The following LY75 variants were observed in gnomAD, a reference collection of about 807,000 sequenced individuals.
LY75 encodes the protein lymphocyte antigen 75.
Under a neutral mutation model 231.7 loss-of-function variants are expected in LY75, and 185 were observed. That is an observed-to-expected ratio of 0.80 (90% CI 0.71 to 0.90). The LOEUF (loss-of-function observed/expected upper bound fraction) is 0.90, where lower values mean the gene tolerates loss of function less well. Ranked by LOEUF, LY75 falls within the 40% of genes least tolerant of loss-of-function variation. The probability of loss-of-function intolerance (pLI) is 0.00; values close to 1 mark genes in which losing one functional copy is unlikely to be tolerated. For missense variants in LY75, 1,947 were observed against 2,050.2 expected (o/e 0.95, Z 0.97); for synonymous variants, 668 against 689.0 (o/e 0.97, Z 0.48).
chr2:159,835,513 T>C lies in LY75; in HGVS notation c.3640A>G (p.Asn1214Asp), dbSNP rs368073084. The C allele has an allele frequency of 6.2e-7, 1 of 1,611,484 alleles. No homozygotes were observed. Among genetic ancestry groups the C allele is most frequent in the African/African-American group, 1.3e-5 (1 of 74,982 alleles). Residue 1214 changes from asparagine to aspartate, a missense_variant, in exon 26 of 35, where the codon AAT becomes GAT. Coordinates refer to ENST00000263636, the MANE Select transcript of LY75 (RefSeq NM_002349.4). ...TAGTAGCAAATAGCACCTGGTTGATTGTCATTGCAATCAACTGTTTTCCAG... is the reference window on the plus strand; with the variant it reads ...TAGTAGCAAATAGCACCTGGTTGATCGTCATTGCAATCAACTGTTTTCCAG... ...GFWKTVDCND[N>D]QPGAICYYSG...
At chr2:159,886,598 T>C (rs1574593890) in intron 4 of LY75, 68 bp from the exon 5 acceptor site, 27 of 1,459,672 alleles carry the variant, frequency 1.8e-5, no homozygotes, top group Non-Finnish European at 1.8e-6. Context: ...TTAGACTTAT[T>C]CTACTAATAA....
At chr2:159,898,665 C>A in intron 2 of LY75, 23 bp downstream of exon 2, 2 of 1,586,572 alleles carry the variant, frequency 1.3e-6, no homozygotes, top group South Asian at 2.3e-5. Flanking sequence ...GCAAATCGGT[C>A]AAAGTCCCTC....
Position 159,825,104 on chromosome 2 carries a change from C to T in LY75, c.3959-5184G>A, listed in dbSNP as rs139208340. 7.8e-3 allele frequency among the ~76,000 whole-genome samples: 1,187 copies of T among 151,982 alleles called. 5 individuals are homozygous for T. Among genetic ancestry groups the T allele is most frequent in the Non-Finnish European group, 0.012 (814 of 67,932 alleles). ...CTAGCAGAAGACAAGAAATAACTAA[C>T]GTCAGAGCAGAACTGAAGGCGATAG... On this transcript the variant is annotated intron_variant, in intron 28 of 34. Transcript: ENST00000263636.
intron 23 of LY75, among the ~76,000 whole-genome samples, chr2:159,849,142 G>T (rs1361583864): frequency 6.6e-6 from 1 of 152,094 alleles, no homozygotes; most frequent in Non-Finnish European, 1.5e-5. Context: ...AGTTACTCAC[G>T]ATTGAGAACT....
intron 31 of LY75, chr2:159,812,453 C>T (rs560349980): frequency 2.0e-5 from 3 of 152,146 alleles, no homozygotes; most frequent in African/African-American, 7.2e-5. Context: ...ATTCTGTCAC[C>T]CAGGTTGGAA....
rs1574560150 is a variant in LY75 at position 159,853,688 on chromosome 2, C to T, written c.2605G>A (p.Asp869Asn). 1.9e-6 allele frequency: 3 copies of T among 1,613,496 alleles called. No individual in the cohort carries two copies. Among genetic ancestry groups the T allele is most frequent in the East Asian group, 2.2e-5 (1 of 44,800 alleles). The change falls in exon 19 of 35, where the codon GAT becomes AAT. Residue 869 changes from aspartate (D) to asparagine (N), a missense_variant. By Grantham distance (23) the Asp-to-Asn change is conservative. Transcript: ENST00000263636. ...ATTCTTATCCACCACTTCTGTCCATCACCAGATATCTGAAAAACAAGCCAA... is the reference window on the plus strand; with the variant it reads ...ATTCTTATCCACCACTTCTGTCCATTACCAGATATCTGAAAAACAAGCCAA... ...IKNKIANISG[D>N]GQKWWIRISE...
At chr2:159,825,883 A>G (rs939334664) in intron 28 of LY75, among the ~76,000 whole-genome samples, 1 of 152,224 alleles carries the variant, frequency 6.6e-6, no homozygotes, top group Non-Finnish European at 1.5e-5. Flanking sequence ...ATAGTTGCAG[A>G]AAAGGCCTTC....
chr2:159,807,435 C>T (rs994136374), intron 33 of LY75, among the ~76,000 whole-genome samples: 2 of 152,148 alleles, frequency 1.3e-5, no homozygotes, highest in African/African-American at 4.8e-5. Flanking sequence ...GTGGTGTTTC[C>T]GTTAAAGTGC....
At chr2:159,811,761 CT>C (rs1301206860) in intron 31 of LY75, among the ~76,000 whole-genome samples, 2 of 152,170 alleles carry the variant, frequency 1.3e-5, no homozygotes, top group African/African-American at 2.4e-5. Flanking sequence ...CAGACTTGAT[CT>C]TTTTGAACTT....
At chr2:159,852,715 G>A (rs1377694466) in intron 20 of LY75, among the ~76,000 whole-genome samples, 3 of 152,094 alleles carry the variant, frequency 2.0e-5, no homozygotes, top group South Asian at 2.1e-4. Context: ...CACCGTGCCC[G>A]GCCAAGTCAG....
intron 28 of LY75, among the ~76,000 whole-genome samples, chr2:159,826,100 G>A (rs867718695): frequency 2.0e-5 from 3 of 152,134 alleles, no homozygotes; most frequent in Admixed American, 6.5e-5. Flanking sequence ...TGGAAGTTCT[G>A]GCCAGGGCAA....
intron 28 of LY75, among the ~76,000 whole-genome samples, chr2:159,828,171 T>A (rs1313796675): frequency 6.6e-6 from 1 of 151,506 alleles, no homozygotes; most frequent in African/African-American, 2.4e-5. Flanking sequence ...AGAAAATATT[T>A]GGAAATTATT....
intron 31 of LY75, 37 bp from the exon 32 acceptor site, chr2:159,810,712 GA>G (rs751202775): frequency 9.4e-6 from 15 of 1,589,058 alleles, no homozygotes; most frequent in South Asian, 4.6e-5. Context: ...ACAATGCATG[GA>G]AAAAAAAGAC....
intron 14 of LY75, among the ~76,000 whole-genome samples, chr2:159,864,251 C>G (rs1435572984): frequency 6.6e-6 from 1 of 152,058 alleles, no homozygotes; most frequent in Admixed American, 6.6e-5. Flanking sequence ...GATGTAATCC[C>G]ATTTGTCTAT....
chr2:159,847,197 A>ATACT (rs1305275772), intron 23 of LY75, among the ~76,000 whole-genome samples: 1 of 152,148 alleles, frequency 6.6e-6, no homozygotes, highest in Non-Finnish European at 1.5e-5. Context: ...ACTTCTTAGT[A>ATACT]GAGACGGGGT....
chr2:159,903,505 C>T (rs1306221652), intron 1 of LY75: 1 of 152,222 alleles, frequency 6.6e-6, no homozygotes, highest in Non-Finnish European at 1.5e-5. Flanking sequence ...GGGTTCATTT[C>T]CAGGTCCTTG....
chr2:159,885,885 C>T (rs137988461), intron 5 of LY75, among the ~76,000 whole-genome samples: 1 of 152,276 alleles, frequency 6.6e-6, no homozygotes, highest in East Asian at 1.9e-4. Flanking sequence ...TCAAAGTTGT[C>T]TAATCCTTCC....
At position 159,885,207 on chromosome 2, in the gene LY75, C is replaced by T. The variant is rs1685547874; in HGVS notation, c.1000G>A (p.Ala334Thr). ...TTCCTGCAGACATAGGGCAGTTGAG[C>T]TTCACAGGAAAAGCTCTGCCACAGA... ...SGLWQSFSCE[A>T]QLPYVCRKPL... The change falls in exon 6 of 35, where the codon GCT becomes ACT. Residue 334 changes from alanine to threonine, a missense_variant. Physicochemically the swap from Ala to Thr is moderately conservative, Grantham distance 58. Transcript: ENST00000263636. 15 of 1,613,560 alleles carry T rather than the reference C, an allele frequency of 9.3e-6. No individual in the cohort carries two copies. The East Asian group carries it at 3.3e-4, about 36-fold the overall frequency.
intron 23 of LY75, among the ~76,000 whole-genome samples, chr2:159,846,695 G>C (rs1006051027): frequency 8.5e-5 from 13 of 152,242 alleles, no homozygotes; most frequent in Admixed American, 2.0e-4. Flanking sequence ...ATTTATTTCT[G>C]TAATATTTTT....
Sources: allele counts gnomAD v4.1 joint callset (sites outside exome capture counted in the v4.1 genomes callset), GRCh38; gene constraint gnomAD v4.1.1; transcripts MANE v1.5; gene names NCBI Gene and HGNC (gene_info 2026-07-23, HGNC 2026-07-21).